CAMTA1: variants seen among roughly 807,000 people sequenced by gnomAD.
CAMTA1 encodes the protein calmodulin-binding transcription activator 1.
CAMTA1 carries 27 observed loss-of-function variants against 170.9 expected under a neutral mutation model. The ratio of observed to expected loss-of-function variants is 0.16; its 90% CI spans 0.12 to 0.22. CAMTA1 has a LOEUF of 0.22. CAMTA1 is among the 10% of genes least tolerant of loss of function. CAMTA1 has a pLI of 1.00. For synonymous variants in CAMTA1, 833 were observed against 891.5 expected (o/e 0.93, Z 1.17); for missense variants, 1,619 against 2,217.2 (o/e 0.73, Z 5.42).
chr1:7,711,430 G>A (rs1047589276), intron 11 of CAMTA1, among the ~76,000 whole-genome samples: 23 of 152,136 alleles, frequency 1.5e-4, no homozygotes, highest in Admixed American at 1.3e-3. Flanking sequence ...ACGCTAGGGG[G>A]GCCAACTGTG....
intron 4 of CAMTA1, among the ~76,000 whole-genome samples, chr1:7,227,311 T>C (rs1661882086): frequency 6.6e-6 from 1 of 152,182 alleles, no homozygotes; most frequent in African/African-American, 2.4e-5. Flanking sequence ...TTCTGTGAAC[T>C]TATCCCTTTG....
At chr1:7,185,262 A>C (rs1383948906) in intron 4 of CAMTA1, among the ~76,000 whole-genome samples, 1 of 152,160 alleles carries the variant, frequency 6.6e-6, no homozygotes, top group Non-Finnish European at 1.5e-5. Context: ...TCAGTAGTAA[A>C]CCTACCACCC....
At chr1:7,676,895 C>T (rs1053106937) in intron 10 of CAMTA1, among the ~76,000 whole-genome samples, 12 of 152,196 alleles carry the variant, frequency 7.9e-5, no homozygotes, top group African/African-American at 2.4e-4. Flanking sequence ...GAACATACCT[C>T]GTTTATTCCA....
intron 11 of CAMTA1, among the ~76,000 whole-genome samples, chr1:7,722,251 C>T (rs1265739707): frequency 6.6e-6 from 1 of 152,136 alleles, no homozygotes; most frequent in Non-Finnish European, 1.5e-5. Context: ...TAAAACATTG[C>T]TAAGGAATTT....
chr1:7,070,533 AC>A (rs1323408965), intron 3 of CAMTA1, among the ~76,000 whole-genome samples: 1 of 152,192 alleles, frequency 6.6e-6, no homozygotes, highest in East Asian at 1.9e-4. Flanking sequence ...CTGGCTTTGC[AC>A]AACCTTTTGA....
intron 5 of CAMTA1, chr1:7,389,666 T>G (rs1269701952): frequency 6.6e-6 from 1 of 152,088 alleles, no homozygotes; most frequent in Admixed American, 6.6e-5. Flanking sequence ...TACTGTAGGG[T>G]GTGGGGGTAG....
intron 6 of CAMTA1, among the ~76,000 whole-genome samples, chr1:7,538,663 A>G (rs1041299335): frequency 3.9e-5 from 6 of 152,206 alleles, no homozygotes; most frequent in African/African-American, 1.4e-4. Context: ...CTCTCAACAA[A>G]AAAAAATGAA....
Position 7,096,467 on chromosome 1 carries a change from C to T in CAMTA1, c.302+5096C>T, listed in dbSNP as rs138785385. ...CTCTGTCTCCCCGGCACCTGCATGA[C>T]GTATTATGATCTCCAGCTCGCCATC... On this transcript the variant is annotated intron_variant, in intron 4 of 22. Coordinates refer to ENST00000303635, the MANE Select transcript of CAMTA1 (RefSeq NM_015215.4). 1.5e-4 allele frequency among the ~76,000 whole-genome samples: 23 copies of T among 152,302 alleles called. 1 individual carries two copies. The South Asian group carries it at 2.9e-3, about 19-fold the overall frequency.
chr1:7,211,317 C>T (rs1331160871), intron 4 of CAMTA1, among the ~76,000 whole-genome samples: 6 of 152,210 alleles, frequency 3.9e-5, no homozygotes, highest in Non-Finnish European at 7.3e-5. Context: ...CCAGTGCATG[C>T]ACCTGTGTGA....
At chr1:7,666,356 C>T (rs531534427) in intron 9 of CAMTA1, among the ~76,000 whole-genome samples, 1 of 152,252 alleles carries the variant, frequency 6.6e-6, no homozygotes, top group Non-Finnish European at 1.5e-5. Context: ...AAATTCCACA[C>T]AGGTCATAGG....
intron 3 of CAMTA1, among the ~76,000 whole-genome samples, chr1:6,848,912 A>G (rs1437747854): frequency 6.6e-6 from 1 of 152,194 alleles, no homozygotes; most frequent in African/African-American, 2.4e-5. Context: ...GGAAAGATAA[A>G]TGGGCTCATA....
chr1:7,231,704 C>G (rs1413092233), intron 4 of CAMTA1, among the ~76,000 whole-genome samples: 1 of 152,154 alleles, frequency 6.6e-6, no homozygotes, highest in Non-Finnish European at 1.5e-5. Flanking sequence ...TATGTGGCTC[C>G]GATGAGATGG....
chr1:7,077,950 A>G (rs1294111338), intron 3 of CAMTA1, among the ~76,000 whole-genome samples: 2 of 151,256 alleles, frequency 1.3e-5, no homozygotes, highest in Admixed American at 6.6e-5. Context: ...GCTTTTCAGC[A>G]TTGTGGGTGG....
chr1:7,095,541 A>G (rs567981298), intron 4 of CAMTA1, among the ~76,000 whole-genome samples: 2 of 152,318 alleles, frequency 1.3e-5, no homozygotes, highest in South Asian at 4.1e-4. Context: ...ACTTGAACCC[A>G]GTATGATCTC....
At chr1:7,433,210 G>T (rs2092238771) in intron 5 of CAMTA1, among the ~76,000 whole-genome samples, 1 of 152,254 alleles carries the variant, frequency 6.6e-6, no homozygotes, top group Non-Finnish European at 1.5e-5. Context: ...GCAGGCTGGT[G>T]TTGGGTGTCA....
intron 5 of CAMTA1, among the ~76,000 whole-genome samples, chr1:7,313,869 G>A (rs1024862514): frequency 2.6e-5 from 4 of 152,122 alleles, no homozygotes; most frequent in Non-Finnish European, 5.9e-5. Context: ...TGCAGCCATC[G>A]GTCATCCTTG....
At chr1:7,203,862 C>T (rs966651231) in intron 4 of CAMTA1, among the ~76,000 whole-genome samples, 3 of 148,542 alleles carry the variant, frequency 2.0e-5, no homozygotes, top group African/African-American at 7.4e-5. Flanking sequence ...GACGGAGTCT[C>T]ACTCTGTCGC....
rs750144186 is a variant in CAMTA1, at chr1:7,565,149, C to A, written c.511-75251C>A. Among the ~76,000 whole-genome samples, 1 of 151,994 alleles carries A rather than the reference C, an allele frequency of 6.6e-6. No homozygotes were observed. The highest frequency in any genetic ancestry group is 2.1e-4 in the South Asian group (1 of 4,816). On this transcript the variant is annotated intron_variant, in intron 6 of 22. Coordinates refer to ENST00000303635, the MANE Select transcript of CAMTA1 (RefSeq NM_015215.4). This position sits in a 1 kb window ranked among gnomAD's most constrained non-coding sequence, Gnocchi z 4.5. Reference sequence around the variant, plus strand: ...GTCACCTGTGCTACCTGGATATACCCCTCACACCCCCACCCTCCACTTGCC... The same window carrying A: ...GTCACCTGTGCTACCTGGATATACCACTCACACCCCCACCCTCCACTTGCC...
intron 5 of CAMTA1, among the ~76,000 whole-genome samples, chr1:7,425,833 CT>C (rs1260762380): frequency 6.6e-6 from 1 of 152,214 alleles, no homozygotes; most frequent in African/African-American, 2.4e-5. Context: ...ACTTTGGGCC[CT>C]GGTCTCACTC....
Sources: gnomAD v4.1 joint callset for allele counts (sites outside exome capture counted in the v4.1 genomes callset) on GRCh38, gnomAD v4.1.1 for gene constraint, Gnocchi (gnomAD v3.1) non-coding constraint, MANE v1.5 for transcripts, NCBI Gene and HGNC (gene_info 2026-07-23, HGNC 2026-07-21) for gene names.